Variants in CCDC102B observed in about 807,000 individuals in gnomAD.
CCDC102B encodes coiled-coil domain-containing protein 102B.
A neutral mutation model predicts 57.4 loss-of-function variants in CCDC102B; 75 were observed. The observed-to-expected ratio is 1.31, with a 90% CI of 1.08 to 1.58. CCDC102B has a LOEUF of 1.58. CCDC102B is among the 40% of genes most tolerant of loss of function. CCDC102B has a pLI of 0.00. For missense variants in CCDC102B, 636 were observed against 582.6 expected (o/e 1.09, Z -0.94); for synonymous variants, 206 against 201.9 (o/e 1.02, Z -0.17).
chr18:68,787,904 C>G (rs1459783549), intron 2 of CCDC102B, among the ~76,000 whole-genome samples: 1 of 150,948 alleles, frequency 6.6e-6, no homozygotes, highest in Non-Finnish European at 1.5e-5. Flanking sequence ...TTTTCTAGTT[C>G]TTTTAATTGT....
At chr18:68,947,413 ATAG>A (rs2049571248) in intron 6 of CCDC102B, among the ~76,000 whole-genome samples, 1 of 152,104 alleles carries the variant, frequency 6.6e-6, no homozygotes, top group Admixed American at 6.6e-5. Context: ...CACATACATT[ATAG>A]TTACCTTAGG....
intron 5 of CCDC102B, among the ~76,000 whole-genome samples, chr18:68,894,453 G>A (rs530027419): frequency 6.8e-4 from 103 of 151,928 alleles, no homozygotes; most frequent in African/African-American, 2.3e-3. Flanking sequence ...TATTTTAGGA[G>A]TTTCTCTTCA....
chr18:68,777,659 T>A (rs1473972026), intron 2 of CCDC102B, among the ~76,000 whole-genome samples: 1 of 152,186 alleles, frequency 6.6e-6, no homozygotes, highest in African/African-American at 2.4e-5. Context: ...TATGGAATTT[T>A]AAAATTGGTA....
At chr18:68,869,727 T>G (rs923777812) in intron 4 of CCDC102B, among the ~76,000 whole-genome samples, 11 of 152,334 alleles carry the variant, frequency 7.2e-5, no homozygotes, top group Middle Eastern at 3.4e-3. Flanking sequence ...TTAGTTTAAT[T>G]AGATCCCATT....
intron 2 of CCDC102B, among the ~76,000 whole-genome samples, chr18:68,837,683 T>C (rs2037444444): frequency 6.6e-6 from 1 of 152,134 alleles, no homozygotes. Flanking sequence ...TAAGGTCTTC[T>C]TGTAAGGGCA....
intron 6 of CCDC102B, among the ~76,000 whole-genome samples, chr18:68,912,192 A>C (rs1401343160): frequency 6.6e-6 from 1 of 152,196 alleles, no homozygotes; most frequent in Non-Finnish European, 1.5e-5. Context: ...AGGTCTATAT[A>C]GTTTCAGTCC....
intron 1 of CCDC102B, among the ~76,000 whole-genome samples, chr18:68,818,095 T>G (rs1325638670): frequency 1.3e-5 from 2 of 152,318 alleles, no homozygotes; most frequent in African/African-American, 4.8e-5. Context: ...AACAACGTAT[T>G]GAGACTCATT....
intron 2 of CCDC102B, among the ~76,000 whole-genome samples, chr18:68,730,538 T>C (rs1386120173): frequency 6.6e-6 from 1 of 152,200 alleles, no homozygotes; most frequent in Non-Finnish European, 1.5e-5. Flanking sequence ...CATGTAATAC[T>C]TCTGTCTGCT....
intron 6 of CCDC102B, among the ~76,000 whole-genome samples, chr18:68,967,657 A>G (rs1599766914): frequency 6.6e-6 from 1 of 152,156 alleles, no homozygotes; most frequent in East Asian, 1.9e-4. Context: ...TGTTGAAAAG[A>G]TGTATGATTT....
chr18:68,804,489 C>T (rs918353624), intron 1 of CCDC102B, among the ~76,000 whole-genome samples: 1 of 152,104 alleles, frequency 6.6e-6, no homozygotes, highest in Non-Finnish European at 1.5e-5. Context: ...AGAGCAATTA[C>T]CCCAGCCTGA....
In CCDC102B at chr18:69,051,303, A is replaced by G. The variant is rs187992268; in HGVS notation, c.1435-2727A>G. On this transcript the variant is annotated intron_variant, in intron 7 of 7. Coordinates refer to ENST00000360242, the MANE Select transcript of CCDC102B (RefSeq NM_024781.3). Reference sequence around the variant, plus strand: ...CATAAGATATAAAATTCCTAAAACTAAATTTAATAAAATTAAACCTCCTAA... The same window carrying G: ...CATAAGATATAAAATTCCTAAAACTGAATTTAATAAAATTAAACCTCCTAA... Among the ~76,000 whole-genome samples the G allele has an allele frequency of 2.0e-5, 3 of 152,238 alleles. No individual in the cohort carries two copies. In the East Asian group the frequency reaches 5.8e-4, roughly 29 times the overall value.
intron 2 of CCDC102B, among the ~76,000 whole-genome samples, chr18:68,740,292 A>C (rs1309430241): frequency 2.0e-5 from 3 of 152,212 alleles, no homozygotes; most frequent in African/African-American, 7.2e-5. Flanking sequence ...TGATAAAATG[A>C]ATGTTTGCTG....
intron 6 of CCDC102B, among the ~76,000 whole-genome samples, chr18:68,971,630 A>G (rs1409215585): frequency 1.3e-5 from 2 of 152,190 alleles, no homozygotes; most frequent in African/African-American, 2.4e-5. Context: ...TTTACAAACT[A>G]TGGGATGTCT....
intron 6 of CCDC102B, among the ~76,000 whole-genome samples, chr18:68,936,478 T>G (rs574249921): frequency 2.0e-5 from 3 of 152,130 alleles, no homozygotes; most frequent in East Asian, 1.9e-4. Context: ...AGGAATAGAT[T>G]GTTACAGGAG....
intron 7 of CCDC102B, among the ~76,000 whole-genome samples, chr18:69,052,449 G>T (rs1156807583): frequency 6.6e-6 from 1 of 151,910 alleles, no homozygotes; most frequent in Non-Finnish European, 1.5e-5. Context: ...TGTCTCAAGA[G>T]AAAATTTTTC....
chr18:68,994,403 A>T (rs1032318632), intron 6 of CCDC102B, among the ~76,000 whole-genome samples: 3 of 152,064 alleles, frequency 2.0e-5, no homozygotes, highest in African/African-American at 7.2e-5. Flanking sequence ...GGCTGGGGGT[A>T]CAGGGACACA....
chr18:68,778,157 C>T (rs571103091), intron 2 of CCDC102B, among the ~76,000 whole-genome samples: 1 of 152,118 alleles, frequency 6.6e-6, no homozygotes, highest in Admixed American at 6.6e-5. Context: ...CGTTTTCCCT[C>T]TCCATATTCC....
Position 68,897,400 on chromosome 18 carries a change from C to T in CCDC102B, c.1235C>T (p.Ser412Leu), listed in dbSNP as rs767398576. 1.2e-6 allele frequency: 2 copies of T among 1,611,426 alleles called. No individual in the cohort carries two copies. The highest frequency in any genetic ancestry group is 1.7e-6 in the Non-Finnish European group (2 of 1,178,782). The change falls in exon 6 of 8, where the codon TCA becomes TTA. Residue 412 changes from serine (S) to leucine (L), a missense_variant. By Grantham distance (145) the Ser-to-Leu change is moderately radical. Transcript: ENST00000360242. ...ANSQSPDFKMSQIDLQEKNQE... is the reference protein window; with the variant it reads ...ANSQSPDFKMLQIDLQEKNQE... ...TCTCAAAGTCCTGATTTCAAGATGT[C>T]ACAAATTGATCTGCAAGAAAAAAAC...
downstream of CCDC102B, among the ~76,000 whole-genome samples, chr18:69,056,219 A>G (rs1297030498): frequency 6.6e-6 from 1 of 152,136 alleles, no homozygotes; most frequent in Non-Finnish European, 1.5e-5. Context: ...TTGTACAGAT[A>G]ATGGCTTAAG....
Sources: allele counts gnomAD v4.1 joint callset (sites outside exome capture counted in the v4.1 genomes callset), GRCh38; gene constraint gnomAD v4.1.1; transcripts MANE v1.5; gene names NCBI Gene and HGNC (gene_info 2026-07-23, HGNC 2026-07-21).